BRME1: variants seen among roughly 807,000 people sequenced by gnomAD.
BRME1 encodes break repair meiotic recombinase recruitment factor 1, also known as BRCA2 and MEILB2-associating protein 1.
In BRME1, 31 loss-of-function variants were observed where a neutral mutation model predicts 52.6. The ratio of observed to expected loss-of-function variants is 0.59; its 90% confidence interval spans 0.44 to 0.80. The LOEUF (loss-of-function observed/expected upper bound fraction) is 0.80, where lower values mean the gene tolerates loss of function less well. BRME1 is among the 30% of genes least tolerant of loss of function. BRME1 has a pLI of 0.00. For missense variants in BRME1, 804 were observed against 860.3 expected (o/e 0.93, Z 0.82); for synonymous variants, 359 against 353.6 (o/e 1.02, Z -0.17).
chr19:13,894,896 T>G (rs1969768787), intron 3 of BRME1, among the ~76,000 whole-genome samples: 1 of 152,144 alleles, frequency 6.6e-6, no homozygotes, highest in Admixed American at 6.6e-5. Context: ...TTTTTTTTCT[T>G]TTTTTAGATG....
Position 13,882,823 on chromosome 19 carries a change from G to A in BRME1, c.1986C>T (p.Asp662=). ...SKGPGNIPRG[D]PPWREL is the part of the protein sequence containing the mutation. ...TGGCCTACAACTCCCTCCAGGGTGG[G>A]TCCCCTCGAGGGATATTCCCAGGCC... is the stretch of plus-strand genomic sequence containing the variant. Residue 662 remains aspartate, a synonymous_variant, in exon 9 of 9, where the codon GAC becomes GAT. Transcript: ENST00000586783. The A allele has an allele frequency of 1.9e-6, 3 of 1,613,958 alleles. No individual in the cohort carries two copies. Among genetic ancestry groups the A allele is most frequent in the Middle Eastern group, 1.7e-4 (1 of 6,022 alleles).
rs1437051034 is a variant in BRME1, at chr19:13,889,968, A to G, written c.888T>C (p.Ser296=). 1 of 1,612,728 alleles carries G rather than the reference A, an allele frequency of 6.2e-7. No individual in the cohort carries two copies. The highest frequency in any genetic ancestry group is 8.5e-7 in the Non-Finnish European group (1 of 1,179,950). ...SGPAPGLGPA[S]WCLEPGSVAQ... is the part of the protein sequence containing the mutation. ...CCACAGACCCGGGTTCCAGGCACCAAGAGGCAGGGCCCAGTCCTGGAGCAG... is the reference window on the plus strand; with the variant it reads ...CCACAGACCCGGGTTCCAGGCACCAGGAGGCAGGGCCCAGTCCTGGAGCAG... The change falls in exon 6 of 9, where the codon TCT becomes TCC. Residue 296 remains serine, a synonymous_variant. Transcript: ENST00000586783.
chr19:13,884,734 G>A (rs531333734), intron 7 of BRME1, among the ~76,000 whole-genome samples: 8 of 152,178 alleles, frequency 5.3e-5, no homozygotes, highest in Non-Finnish European at 1.2e-4. Flanking sequence ...GTGGCCAGGC[G>A]GGTAAGTGGG....
intron 2 of BRME1, 87 bp downstream of exon 2, chr19:13,904,775 G>A (rs1188212920): frequency 2.2e-5 from 30 of 1,369,342 alleles, no homozygotes; most frequent in Non-Finnish European, 2.9e-5. Flanking sequence ...TAAGGCAGTC[G>A]TGTTAGCCAG....
At chr19:13,904,079 GC>G (rs1970481252) in intron 2 of BRME1, among the ~76,000 whole-genome samples, 2 of 152,088 alleles carry the variant, frequency 1.3e-5, no homozygotes, top group Admixed American at 1.3e-4. Context: ...TTTCCTGTAT[GC>G]CCTCTCCGTT....
At chr19:13,905,426 T>C (rs1970626838) in intron 1 of BRME1, among the ~76,000 whole-genome samples, 1 of 150,840 alleles carries the variant, frequency 6.6e-6, no homozygotes, top group Non-Finnish European at 1.5e-5. Context: ...TAGAATTCCT[T>C]GAACCCATGA....
At chr19:13,891,511 A>G (rs945340119) in intron 5 of BRME1, among the ~76,000 whole-genome samples, 7 of 151,816 alleles carry the variant, frequency 4.6e-5, no homozygotes, top group Admixed American at 3.9e-4. Context: ...TCTTTCGTCC[A>G]GGCTGGAGTG....
chr19:13,902,964 T>C (rs538095797), intron 2 of BRME1, among the ~76,000 whole-genome samples: 4 of 151,620 alleles, frequency 2.6e-5, no homozygotes, highest in African/African-American at 9.7e-5. Flanking sequence ...TGTACCGAGG[T>C]TAGAGTCCTG....
intron 4 of BRME1, 100 bp from the exon 5 acceptor site, chr19:13,892,990 G>C: frequency 7.3e-7 from 1 of 1,371,050 alleles, no homozygotes; most frequent in Non-Finnish European, 1.0e-6. Flanking sequence ...TTGTAGCCTT[G>C]AGAGAACTCC....
chr19:13,890,190 A>C lies in BRME1; in HGVS notation c.666T>G (p.Pro222=). ...LSEQGADDSK[P]ETDRVPGDGG... is the part of the protein sequence containing the mutation. ...CGTCACCTGGAACCCTGTCTGTCTC[A>C]GGCTTGCTGTCATCGGCCCCTTGTT... Residue 222 remains proline (P), a synonymous_variant, in exon 6 of 9, where the codon CCT becomes CCG. Coordinates refer to ENST00000586783, the MANE Select transcript of BRME1 (RefSeq NM_001345843.2). The C allele has an allele frequency of 6.2e-7, 1 of 1,614,166 alleles. No individual in the cohort carries two copies.
At chr19:13,885,868 A>T (rs1968975031) in intron 7 of BRME1, 93 bp downstream of exon 7, 6 of 1,071,622 alleles carry the variant, frequency 5.6e-6, no homozygotes, top group Non-Finnish European at 8.4e-6. Flanking sequence ...AGGCCCAGGG[A>T]GGGAGAACTG....
chr19:13,905,801 T>A lies in BRME1; in HGVS notation c.-108A>T, dbSNP rs183014978. ...AGTTGGGAATAAGTCGCTTGAATTA[T>A]CCGCGTTACTCTTTTTGGAAAAAAT... is the stretch of plus-strand genomic sequence containing the variant. On this transcript the variant is annotated 5_prime_UTR_variant, in exon 1 of 9. Coordinates refer to ENST00000586783, the MANE Select transcript of BRME1 (RefSeq NM_001345843.2). 3.9e-5 allele frequency: 6 copies of A among 152,308 alleles called. No homozygotes were observed. In the East Asian group the frequency reaches 9.6e-4, roughly 24 times the overall value. The allele number at this position is 152,308 out of a possible 1,614,324, so 9.4% of individuals were successfully genotyped here.
chr19:13,885,909 T>G, intron 7 of BRME1, 52 bp downstream of exon 7: 1 of 1,510,014 alleles, frequency 6.6e-7, no homozygotes, highest in Non-Finnish European at 9.2e-7. Context: ...TCACCCTCCT[T>G]GGTAAAATTT....
intron 2 of BRME1, among the ~76,000 whole-genome samples, chr19:13,898,230 G>A (rs1189923297): frequency 6.6e-6 from 1 of 152,184 alleles, no homozygotes; most frequent in Non-Finnish European, 1.5e-5. Context: ...CTGGCACCCC[G>A]TCCAACTCCA....
At position 13,886,172 on chromosome 19, in the gene BRME1, C is replaced by T. The variant is rs992343067; in HGVS notation, c.1669-117G>A. ...TCACCGCGGCCACAGCAGGTCACATCGGGGCTGGCTGGGACTCCTGCAGAG... is the reference window on the plus strand; with the variant it reads ...TCACCGCGGCCACAGCAGGTCACATTGGGGCTGGCTGGGACTCCTGCAGAG... On this transcript the variant is annotated intron_variant, in intron 6 of 8. Coordinates refer to ENST00000586783, the MANE Select transcript of BRME1 (RefSeq NM_001345843.2). 5.1e-6 allele frequency: 4 copies of T among 788,024 alleles called. No homozygotes were observed. The Admixed American group carries it at 9.1e-5, about 18-fold the overall frequency. The allele number at this position is 788,024 out of a possible 1,614,324, so 48.8% of individuals were successfully genotyped here.
chr19:13,883,340 C>G lies in BRME1; in HGVS notation c.1824G>C (p.Val608=). 1.3e-6 allele frequency: 2 copies of G among 1,535,278 alleles called. No homozygotes were observed. Among genetic ancestry groups the G allele is most frequent in the Admixed American group, 2.0e-5 (1 of 50,984 alleles). The change falls in exon 8 of 9, where the codon GTG becomes GTC. Residue 608 remains valine, a synonymous_variant. Transcript: ENST00000586783. This position sits in a 1 kb window ranked among gnomAD's most constrained non-coding sequence, Gnocchi z 4.2. Reference sequence around the variant, plus strand: ...TGGAGAGCTCAACGATGAGGCCACGCACGACGTTGGTGGCATCCTCCATCC... The same window carrying G: ...TGGAGAGCTCAACGATGAGGCCACGGACGACGTTGGTGGCATCCTCCATCC... ...ASRMEDATNV[V]RGLIVELSNL...
intron 3 of BRME1, 41 bp downstream of exon 3, chr19:13,895,331 T>C (rs779955163): frequency 6.3e-7 from 1 of 1,586,470 alleles, no homozygotes; most frequent in Non-Finnish European, 8.6e-7. Context: ...CTATGTGGAC[T>C]GTCAGTGGGG....
At chr19:13,899,949 C>T (rs1970187971) in intron 2 of BRME1, among the ~76,000 whole-genome samples, 2 of 152,102 alleles carry the variant, frequency 1.3e-5, no homozygotes, top group Admixed American at 6.6e-5. Flanking sequence ...TTGCAGTAAG[C>T]CAAGACTGCA....
intron 3 of BRME1, among the ~76,000 whole-genome samples, chr19:13,893,962 C>T (rs1432108748): frequency 6.6e-6 from 1 of 151,572 alleles, no homozygotes; most frequent in Non-Finnish European, 1.5e-5. Context: ...GGAAAACCTG[C>T]TTTGAAAGAG....
Sources: gnomAD v4.1 joint callset for allele counts (sites outside exome capture counted in the v4.1 genomes callset) on GRCh38, gnomAD v4.1.1 for gene constraint, Gnocchi (gnomAD v3.1) non-coding constraint, MANE v1.5 for transcripts, NCBI Gene and HGNC (gene_info 2026-07-23, HGNC 2026-07-21) for gene names.